Variants in LRRTM4 observed in about 807,000 individuals in gnomAD.
LRRTM4 encodes leucine rich repeat transmembrane neuronal 4, also known as leucine-rich repeat transmembrane neuronal protein 4.
In LRRTM4, 25 loss-of-function variants were observed where a neutral mutation model predicts 47.6. The ratio of observed to expected loss-of-function variants is 0.53; its 90% CI spans 0.38 to 0.73. The LOEUF is 0.73. Ranked by LOEUF, LRRTM4 falls within the 30% of genes least tolerant of loss-of-function variation. The pLI is 0.00. For synonymous variants in LRRTM4, 311 were observed against 269.5 expected (o/e 1.15, Z -1.51); for missense variants, 638 against 713.4 (o/e 0.89, Z 1.20).
At chr2:77,054,310 A>G (rs1476370344) in intron 3 of LRRTM4, among the ~76,000 whole-genome samples, 1 of 152,210 alleles carries the variant, frequency 6.6e-6, no homozygotes, top group Non-Finnish European at 1.5e-5. Context: ...TACATTGTAC[A>G]TTGTTCAAAA....
chr2:76,807,044 G>C (rs970604831), intron 3 of LRRTM4, among the ~76,000 whole-genome samples: 4 of 152,062 alleles, frequency 2.6e-5, no homozygotes, highest in Admixed American at 6.6e-5. Flanking sequence ...ATGCACTGTA[G>C]GCGAAGTGTG....
rs149877490 is a variant in LRRTM4, at chr2:76,978,075, T to C, written c.1552-229159A>G. Among the ~76,000 whole-genome samples the C allele has an allele frequency of 6.6e-5, 10 of 152,014 alleles. No homozygotes were observed. In the East Asian group the frequency reaches 7.8e-4, roughly 12 times the overall value. On this transcript the variant is annotated intron_variant, in intron 3 of 3. Transcript: ENST00000409884. ...GTCTATGGGGAAGGTTAATATGTTA[T>C]CTGGCTCTGCTCACACAAATTATAT...
chr2:76,925,539 C>T (rs1054411623), intron 3 of LRRTM4, among the ~76,000 whole-genome samples: 4 of 152,112 alleles, frequency 2.6e-5, no homozygotes, highest in African/African-American at 9.7e-5. Context: ...TAAGCAGTAT[C>T]AGAAAACTAA....
intron 3 of LRRTM4, among the ~76,000 whole-genome samples, chr2:76,925,737 C>T (rs1349312694): frequency 2.0e-5 from 3 of 151,992 alleles, no homozygotes; most frequent in African/African-American, 4.8e-5. Context: ...TGACCCAATC[C>T]CAGTTACTCC....
intron 3 of LRRTM4, among the ~76,000 whole-genome samples, chr2:77,062,816 A>G: frequency 6.6e-6 from 1 of 152,220 alleles, no homozygotes; most frequent in Admixed American, 6.5e-5. Flanking sequence ...GGCACAAGAT[A>G]CAATATTCTG....
At chr2:77,318,828 C>A (rs1034879991) in intron 3 of LRRTM4, among the ~76,000 whole-genome samples, 1 of 152,016 alleles carries the variant, frequency 6.6e-6, no homozygotes, top group Non-Finnish European at 1.5e-5. Context: ...TAAGGTAAAT[C>A]TGATTGACTT....
chr2:77,156,352 T>G (rs1053838520), intron 3 of LRRTM4, among the ~76,000 whole-genome samples: 3 of 151,012 alleles, frequency 2.0e-5, no homozygotes, highest in Admixed American at 6.6e-5. Context: ...AAAGTCATAT[T>G]TGAAAAACAG....
At chr2:77,134,790 G>T (rs1671889305) in intron 3 of LRRTM4, among the ~76,000 whole-genome samples, 1 of 152,008 alleles carries the variant, frequency 6.6e-6, no homozygotes, top group Non-Finnish European at 1.5e-5. Context: ...AAAAAGGGGG[G>T]ATATCTTTTT....
At chr2:77,030,193 GA>G (rs1486894138) in intron 3 of LRRTM4, among the ~76,000 whole-genome samples, 1 of 152,216 alleles carries the variant, frequency 6.6e-6, no homozygotes, top group Non-Finnish European at 1.5e-5. Context: ...AGCACTTTGG[GA>G]GGCTGAGGCG....
At chr2:76,937,376 C>T (rs1016855862) in intron 3 of LRRTM4, among the ~76,000 whole-genome samples, 10 of 152,070 alleles carry the variant, frequency 6.6e-5, no homozygotes, top group Non-Finnish European at 1.5e-4. Context: ...CTTTGACAAC[C>T]CTTTTCCTGA....
intron 3 of LRRTM4, among the ~76,000 whole-genome samples, chr2:76,911,844 TTGTGTGTGTC>T (rs1227692356): frequency 1.3e-5 from 2 of 150,726 alleles, no homozygotes; most frequent in Non-Finnish European, 3.0e-5. Context: ...GTGTGTATAT[TTGTGTGTGTC>T]TGTGTGTGTG....
intron 3 of LRRTM4, among the ~76,000 whole-genome samples, chr2:76,813,587 TA>T (rs201452049): frequency 1.3e-5 from 2 of 151,154 alleles, no homozygotes; most frequent in Admixed American, 6.6e-5. Flanking sequence ...ATGCGAACAG[TA>T]AAAAAAAATA....
chr2:76,956,497 C>T (rs1675679032), intron 3 of LRRTM4, among the ~76,000 whole-genome samples: 2 of 150,934 alleles, frequency 1.3e-5, no homozygotes, highest in Admixed American at 1.3e-4. Flanking sequence ...CAAATGCCTA[C>T]ATTATAAAAG....
intron 3 of LRRTM4, among the ~76,000 whole-genome samples, chr2:77,350,868 A>G (rs1671741916): frequency 3.3e-5 from 5 of 152,212 alleles, no homozygotes; most frequent in Non-Finnish European, 1.5e-5. Context: ...GTAGTGAAAT[A>G]CCACTATAAG....
At chr2:77,079,040 C>T (rs947259466) in intron 3 of LRRTM4, among the ~76,000 whole-genome samples, 2 of 152,190 alleles carry the variant, frequency 1.3e-5, no homozygotes, top group African/African-American at 4.8e-5. Flanking sequence ...CGCGATCTAA[C>T]ACTTCCCCCA....
At chr2:77,264,464 A>G (rs910266023) in intron 3 of LRRTM4, among the ~76,000 whole-genome samples, 1 of 152,074 alleles carries the variant, frequency 6.6e-6, no homozygotes, top group African/African-American at 2.4e-5. Context: ...TAGAGATCCT[A>G]TGTCTAACTA....
chr2:77,071,598 G>A (rs1379794141), intron 3 of LRRTM4, among the ~76,000 whole-genome samples: 16 of 152,082 alleles, frequency 1.1e-4, no homozygotes, highest in Admixed American at 1.0e-3. Context: ...GAGAAACGGA[G>A]ATTTATTCCT....
intron 3 of LRRTM4, among the ~76,000 whole-genome samples, chr2:77,229,504 A>G (rs987599420): frequency 1.3e-5 from 2 of 152,130 alleles, no homozygotes; most frequent in African/African-American, 4.8e-5. Flanking sequence ...AGTCTTTCCA[A>G]TATCATTAAA....
intron 3 of LRRTM4, among the ~76,000 whole-genome samples, chr2:76,928,322 T>C (rs988016096): frequency 1.3e-5 from 2 of 152,190 alleles, no homozygotes; most frequent in African/African-American, 4.8e-5. Context: ...TCATGTATAA[T>C]TTACTGAATA....
Sources: allele counts gnomAD v4.1 joint callset (sites outside exome capture counted in the v4.1 genomes callset), GRCh38; gene constraint gnomAD v4.1.1; transcripts MANE v1.5; gene names NCBI Gene and HGNC (gene_info 2026-07-23, HGNC 2026-07-21).